Variants in KIF26B observed in about 807,000 individuals in gnomAD.
KIF26B encodes the protein kinesin-like protein KIF26B.
KIF26B carries 63 observed loss-of-function variants against 151.2 expected under a neutral mutation model. The observed-to-expected ratio is 0.42, with a 90% CI of 0.34 to 0.51. The LOEUF (loss-of-function observed/expected upper bound fraction) is 0.51. Among genes scored for constraint, KIF26B ranks in the 20% least tolerant of loss-of-function variants. The pLI, the probability that KIF26B is intolerant of heterozygous loss-of-function variation, is 0.07. For synonymous variants in KIF26B, 1,357 were observed against 1,262.1 expected, an observed-to-expected ratio of 1.08 and a Z score of -1.59; for missense variants, 2,813 against 2,913.6, an observed-to-expected ratio of 0.97 and a Z score of 0.79.
At chr1:245,504,062 A>G (rs915177984) in intron 4 of KIF26B, among the ~76,000 whole-genome samples, 7 of 152,046 alleles carry the variant, frequency 4.6e-5, no homozygotes, top group African/African-American at 1.7e-4. Context: ...ACTAGTTCCC[A>G]AGCTTTCTGT....
chr1:245,462,471 T>A (rs1315133035), intron 4 of KIF26B, among the ~76,000 whole-genome samples: 1 of 152,190 alleles, frequency 6.6e-6, no homozygotes, highest in Non-Finnish European at 1.5e-5. Flanking sequence ...TGAGTATTTA[T>A]CAGCCAGCAA....
Position 245,688,457 on chromosome 1 carries a change from C to G in KIF26B, c.5474C>G (p.Ala1825Gly), listed in dbSNP as rs1479309718. The G allele has an allele frequency of 6.6e-6, 9 of 1,371,848 alleles. No individual in the cohort carries two copies. The highest frequency in any genetic ancestry group is 7.4e-6 in the Non-Finnish European group (8 of 1,074,168). The allele number at this position is 1,371,848 out of a possible 1,614,324, so 85.0% of individuals were successfully genotyped here. ...GGCGCCCGGGGCTTGCAGCTGCGGG[C>G]CGGGCCCGAGGCGGAGGCGCGCGGG... ...GAGARGLQLRAGPEAEARGGA... is the reference protein window; with the variant it reads ...GAGARGLQLRGGPEAEARGGA... Residue 1825 changes from alanine (A) to glycine (G), a missense_variant, in exon 12 of 15, where the codon GCC (alanine) becomes GGC (glycine). Transcript: ENST00000407071.
intron 12 of KIF26B, among the ~76,000 whole-genome samples, chr1:245,697,613 T>C (rs1264990955): frequency 6.6e-6 from 1 of 151,988 alleles, no homozygotes; most frequent in Non-Finnish European, 1.5e-5. Context: ...AAAGCCCAAG[T>C]GTTGGTTTAG....
At chr1:245,609,739 C>T (rs12041565) in intron 8 of KIF26B, among the ~76,000 whole-genome samples, 23,816 of 152,024 alleles carry the variant, frequency 0.16, 2,152 homozygotes, top group East Asian at 0.35. Context: ...TGACAATGAG[C>T]AGGGACCACA....
chr1:245,569,143 T>C (rs983529160), intron 5 of KIF26B, among the ~76,000 whole-genome samples: 7 of 152,208 alleles, frequency 4.6e-5, no homozygotes, highest in African/African-American at 1.7e-4. Context: ...AGCCCTTTGC[T>C]GGAAATTGTT....
rs1007574713 is a variant in KIF26B at position 245,375,098 on chromosome 1, A to G, written c.999+7731A>G. Among the ~76,000 whole-genome samples the G allele has an allele frequency of 2.0e-5, 3 of 152,078 alleles. No individual in the cohort carries two copies. The highest frequency in any genetic ancestry group is 7.2e-5 in the African/African-American group (3 of 41,426). On this transcript the variant is annotated intron_variant, in intron 3 of 14. Transcript: ENST00000407071. The surrounding 1 kb of genome is among the most constrained non-coding windows in gnomAD (Gnocchi z 4.2). ...GATCATTTAATTTAATTTTATTATT[A>G]TTTTTTGAGACGGCGTCTCACTCTG...
chr1:245,369,907 G>T (rs999040681), intron 3 of KIF26B, among the ~76,000 whole-genome samples: 2 of 152,222 alleles, frequency 1.3e-5, no homozygotes, highest in Non-Finnish European at 2.9e-5. Context: ...GTGGCGTCCT[G>T]TGCAGTGCTT....
At chr1:245,574,443 C>T (rs773255972) in intron 5 of KIF26B, among the ~76,000 whole-genome samples, 3 of 152,136 alleles carry the variant, frequency 2.0e-5, no homozygotes, top group Non-Finnish European at 4.4e-5. Flanking sequence ...CATGCCTGAC[C>T]GAGACCATTT....
chr1:245,630,590 A>G (rs1332410325), intron 9 of KIF26B, among the ~76,000 whole-genome samples: 2 of 152,052 alleles, frequency 1.3e-5, no homozygotes, highest in East Asian at 3.9e-4. Flanking sequence ...CAGGGGGTTG[A>G]GGGAAAGGGG....
At chr1:245,194,843 A>G (rs1669165431) in intron 2 of KIF26B, among the ~76,000 whole-genome samples, 1 of 152,196 alleles carries the variant, frequency 6.6e-6, no homozygotes, top group Non-Finnish European at 1.5e-5. Flanking sequence ...TAATAGAAAT[A>G]CTGGTAATTT....
chr1:245,366,530 C>CAA (rs77845227), intron 2 of KIF26B, among the ~76,000 whole-genome samples: 1 of 104,576 alleles, frequency 9.6e-6, no homozygotes, highest in African/African-American at 3.9e-5. Context: ...GACTCCATCT[C>CAA]AAAAAAAAAA....
intron 2 of KIF26B, among the ~76,000 whole-genome samples, chr1:245,204,084 A>T (rs554820353): frequency 1.9e-4 from 29 of 152,292 alleles, no homozygotes; most frequent in African/African-American, 6.5e-4. Context: ...TCACACGCAG[A>T]TGCTGTAGGT....
intron 4 of KIF26B, among the ~76,000 whole-genome samples, chr1:245,450,328 G>A (rs1126065): frequency 0.24 from 36,436 of 152,070 alleles, 4,549 homozygotes; most frequent in East Asian, 0.31. Context: ...ACTGACATTC[G>A]TTGACTGGGA....
chr1:245,369,001 G>A lies in KIF26B; in HGVS notation c.999+1634G>A, dbSNP rs556891694. ...AAAAATACAAAAATTAGCCAAGTATGGTGGCATGCGCCTGTAGTGTCAGCT... is the reference window on the plus strand; with the variant it reads ...AAAAATACAAAAATTAGCCAAGTATAGTGGCATGCGCCTGTAGTGTCAGCT... On this transcript the variant is annotated intron_variant, in intron 3 of 14. Transcript: ENST00000407071. Among the ~76,000 whole-genome samples the A allele has an allele frequency of 5.9e-5, 9 of 152,222 alleles. No individual in the cohort carries two copies. The South Asian group carries it at 1.9e-3, about 32-fold the overall frequency.
chr1:245,605,675 G>A (rs553462063), intron 6 of KIF26B, among the ~76,000 whole-genome samples: 3 of 152,230 alleles, frequency 2.0e-5, no homozygotes, highest in African/African-American at 7.2e-5. Flanking sequence ...GGCTGTGCTC[G>A]AGAAGGCTGC....
chr1:245,667,899 TTG>T lies in KIF26B; in HGVS notation c.2259-16330_2259-16329del, dbSNP rs111692228. ...GCTGCTTCTGTTTGTTTGTTTTGTT[TTG>T]TGTTTTTGAGATGGAGTCTCACTCT... On this transcript the variant is annotated intron_variant, in intron 10 of 14. Coordinates refer to ENST00000407071, the MANE Select transcript of KIF26B (RefSeq NM_018012.4). The surrounding 1 kb of genome is among the most constrained non-coding windows in gnomAD (Gnocchi z 4.3). Among the ~76,000 whole-genome samples the T allele has an allele frequency of 1.1e-4, 16 of 152,194 alleles. No individual in the cohort carries two copies. The highest frequency in any genetic ancestry group is 2.4e-4 in the Non-Finnish European group (16 of 68,032).
intron 2 of KIF26B, among the ~76,000 whole-genome samples, chr1:245,186,244 G>GC (rs1668999244): frequency 6.6e-6 from 1 of 152,026 alleles, no homozygotes; most frequent in Non-Finnish European, 1.5e-5. Context: ...TCAACAGAAT[G>GC]CCCCCTTCGA....
At chr1:245,666,580 C>A (rs889650555) in intron 10 of KIF26B, among the ~76,000 whole-genome samples, 1 of 152,052 alleles carries the variant, frequency 6.6e-6, no homozygotes, top group African/African-American at 2.4e-5. Context: ...CTGTGTGTTA[C>A]TGCAAAGGAA....
chr1:245,342,029 G>A (rs1476619006), intron 2 of KIF26B, among the ~76,000 whole-genome samples: 1 of 152,170 alleles, frequency 6.6e-6, no homozygotes, highest in Non-Finnish European at 1.5e-5. Context: ...GCAATCCTTT[G>A]TTTCCTCTTG....
Sources: gnomAD v4.1 joint callset for allele counts (sites outside exome capture counted in the v4.1 genomes callset) on GRCh38, gnomAD v4.1.1 for gene constraint, Gnocchi (gnomAD v3.1) non-coding constraint, MANE v1.5 for transcripts, NCBI Gene and HGNC (gene_info 2026-07-23, HGNC 2026-07-21) for gene names.